PRKCB: variants seen among roughly 807,000 people sequenced by gnomAD.
The protein encoded by PRKCB is protein kinase C beta type.
PRKCB carries 13 observed loss-of-function variants against 81.5 expected under a neutral mutation model. The ratio of observed to expected loss-of-function variants is 0.16; its 90% confidence interval spans 0.10 to 0.25. The LOEUF (loss-of-function observed/expected upper bound fraction) is 0.25. Ranked by LOEUF, PRKCB falls within the 10% of genes least tolerant of loss-of-function variation. The probability of loss-of-function intolerance (pLI) is 1.00; values close to 1 mark genes in which losing one functional copy is unlikely to be tolerated. For synonymous variants in PRKCB, 335 were observed against 321.4 expected, an observed-to-expected ratio of 1.04 and a Z score of -0.45; for missense variants, 509 against 875.7, an observed-to-expected ratio of 0.58 and a Z score of 5.29.
Position 23,981,592 on chromosome 16 carries a change from T to A in PRKCB, c.206-6916T>A, listed in dbSNP as rs1168286105. On this transcript the variant is annotated intron_variant, in intron 2 of 16. Coordinates refer to ENST00000643927, the MANE Select transcript of PRKCB (RefSeq NM_002738.7). ...TTCCTTTCTTTTCCTTTCCTTTCCTTCCCTTCCCTTCCCTTTCCTTTCCCT... is the reference window on the plus strand; with the variant it reads ...TTCCTTTCTTTTCCTTTCCTTTCCTACCCTTCCCTTCCCTTTCCTTTCCCT... Among the ~76,000 whole-genome samples the A allele has an allele frequency of 1.3e-5, 2 of 148,996 alleles. 1 individual carries two copies. The highest frequency in any genetic ancestry group is 5.0e-5 in the African/African-American group (2 of 40,312).
intron 2 of PRKCB, among the ~76,000 whole-genome samples, chr16:23,973,908 C>A (rs1469425302): frequency 6.6e-6 from 1 of 151,402 alleles, no homozygotes; most frequent in Non-Finnish European, 1.5e-5. Flanking sequence ...TGGGCTCAAG[C>A]AATTCACCTT....
chr16:24,205,074 C>T (rs1968022910), intron 16 of PRKCB, among the ~76,000 whole-genome samples: 1 of 150,258 alleles, frequency 6.7e-6, no homozygotes, highest in Non-Finnish European at 1.5e-5. Context: ...GAGCCGAGAT[C>T]GTGCCACTGC....
intron 7 of PRKCB, among the ~76,000 whole-genome samples, chr16:24,103,075 G>A (rs1202763191): frequency 6.6e-6 from 1 of 152,178 alleles, no homozygotes; most frequent in African/African-American, 2.4e-5. Context: ...GTTTCACCAT[G>A]TTGGCCAGGC....
At chr16:23,933,960 TCATCCATCCATC>T (rs10580054) in intron 2 of PRKCB, among the ~76,000 whole-genome samples, 3 of 129,978 alleles carry the variant, frequency 2.3e-5, no homozygotes, top group African/African-American at 6.2e-5. Flanking sequence ...TCCACCTACC[TCATCCATCCATC>T]CATCCATCCA....
At chr16:24,050,137 T>A (rs1338626485) in intron 5 of PRKCB, among the ~76,000 whole-genome samples, 6 of 152,206 alleles carry the variant, frequency 3.9e-5, no homozygotes, top group Non-Finnish European at 8.8e-5. Context: ...TTGACAGCCT[T>A]CCACTAATTC....
rs147371038 is a variant in PRKCB, at chr16:24,203,916, G to T, written c.1864-10742G>T. 4.4e-3 allele frequency among the ~76,000 whole-genome samples: 668 copies of T among 152,166 alleles called. 11 individuals are homozygous for T. The highest frequency in any genetic ancestry group is 0.015 in the African/African-American group (636 of 41,504). ...GAGCCCCAGGGCCTGGCTTTGTCTT[G>T]TAGCTTCCTGCCGTGATGCACCAGG... On this transcript the variant is annotated intron_variant, in intron 16 of 16. Coordinates refer to ENST00000643927, the MANE Select transcript of PRKCB (RefSeq NM_002738.7).
At chr16:24,085,828 T>C (rs976507277) in intron 5 of PRKCB, among the ~76,000 whole-genome samples, 1 of 152,226 alleles carries the variant, frequency 6.6e-6, no homozygotes, top group Non-Finnish European at 1.5e-5. Flanking sequence ...CACCATTGTT[T>C]CACTAGCTGT....
At chr16:23,880,318 CCA>C in intron 2 of PRKCB, among the ~76,000 whole-genome samples, 1 of 152,264 alleles carries the variant, frequency 6.6e-6, no homozygotes, top group African/African-American at 2.4e-5. Context: ...AATCCCCCCA[CCA>C]CACACACAAG....
intron 5 of PRKCB, among the ~76,000 whole-genome samples, chr16:24,057,798 G>A (rs1259692626): frequency 3.3e-5 from 5 of 152,184 alleles, no homozygotes; most frequent in Admixed American, 6.5e-5. Flanking sequence ...ACTCAGCTCG[G>A]TGGGCGCTTT....
chr16:23,924,869 T>C (rs1299458166), intron 2 of PRKCB, among the ~76,000 whole-genome samples: 1 of 152,150 alleles, frequency 6.6e-6, no homozygotes, highest in Non-Finnish European at 1.5e-5. Flanking sequence ...TTGTCAATTA[T>C]AAACAACAAC....
chr16:24,026,560 C>A (rs1331404959), intron 3 of PRKCB, among the ~76,000 whole-genome samples: 1 of 152,138 alleles, frequency 6.6e-6, no homozygotes, highest in Non-Finnish European at 1.5e-5. Flanking sequence ...CTCACAAGGC[C>A]TTGAGGAACT....
At chr16:23,905,029 G>A (rs948589289) in intron 2 of PRKCB, among the ~76,000 whole-genome samples, 2 of 145,658 alleles carry the variant, frequency 1.4e-5, no homozygotes, top group Non-Finnish European at 3.0e-5. Context: ...CTTTGCATTG[G>A]TCCTTTTTTT....
chr16:23,984,896 A>G (rs1964782706), intron 2 of PRKCB, among the ~76,000 whole-genome samples: 1 of 152,208 alleles, frequency 6.6e-6, no homozygotes, highest in Non-Finnish European at 1.5e-5. Context: ...GTTGAATAAA[A>G]GGGAAAGTTA....
chr16:24,023,400 G>A (rs1003594347), intron 3 of PRKCB, among the ~76,000 whole-genome samples: 1 of 152,070 alleles, frequency 6.6e-6, no homozygotes, highest in Non-Finnish European at 1.5e-5. Flanking sequence ...ACGGAGTCTC[G>A]CTCTGTCACC....
intron 2 of PRKCB, among the ~76,000 whole-genome samples, chr16:23,966,405 T>A (rs879644064): frequency 6.6e-6 from 1 of 152,222 alleles, no homozygotes; most frequent in Non-Finnish European, 1.5e-5. Flanking sequence ...TTACCTTCTT[T>A]CTCAGTGCCT....
intron 9 of PRKCB, among the ~76,000 whole-genome samples, chr16:24,139,659 T>C (rs1055416011): frequency 1.3e-5 from 2 of 152,220 alleles, no homozygotes; most frequent in African/African-American, 2.4e-5. Flanking sequence ...CATGGCCTCA[T>C]TTTAAAAGGT....
intron 8 of PRKCB, among the ~76,000 whole-genome samples, chr16:24,113,682 T>A (rs1290245393): frequency 2.0e-5 from 3 of 152,122 alleles, no homozygotes; most frequent in Non-Finnish European, 2.9e-5. Flanking sequence ...GTGCTGATTT[T>A]CCTGTTTATG....
chr16:23,980,773 C>T (rs979558503), intron 2 of PRKCB, among the ~76,000 whole-genome samples: 13 of 150,294 alleles, frequency 8.6e-5, no homozygotes, highest in Admixed American at 2.0e-4. Flanking sequence ...GAATTGTGTA[C>T]AAGAGGGGAA....
chr16:24,136,804 C>T (rs1318586475), intron 9 of PRKCB, among the ~76,000 whole-genome samples: 1 of 152,074 alleles, frequency 6.6e-6, no homozygotes, highest in Non-Finnish European at 1.5e-5. Flanking sequence ...AAACGACGGG[C>T]CTGTCTGGCA....
Sources: gnomAD v4.1 joint callset for allele counts (sites outside exome capture counted in the v4.1 genomes callset) on GRCh38, gnomAD v4.1.1 for gene constraint, MANE v1.5 for transcripts, NCBI Gene and HGNC (gene_info 2026-07-23, HGNC 2026-07-21) for gene names.